Variants in EXTL1 observed in about 807,000 individuals in gnomAD.
The protein encoded by EXTL1 is exostosin like glycosyltransferase 1, also known as exostosin-like 1.
EXTL1 carries 43 observed loss-of-function variants against 64.6 expected under a neutral mutation model. That is an observed-to-expected ratio of 0.67 (90% CI 0.52 to 0.86). The LOEUF (loss-of-function observed/expected upper bound fraction) is 0.86, where lower values mean the gene tolerates loss of function less well. Ranked by LOEUF, EXTL1 falls within the 40% of genes least tolerant of loss-of-function variation. EXTL1 has a pLI of 0.00. For synonymous variants in EXTL1, 352 were observed against 360.5 expected (o/e 0.98, Z 0.27); for missense variants, 766 against 879.0 (o/e 0.87, Z 1.62).
At position 26,033,402 on chromosome 1, in the gene EXTL1, G is replaced by A. The variant is rs2050308710; in HGVS notation, c.1518+87G>A. 3 of 1,202,090 alleles carry A rather than the reference G, an allele frequency of 2.5e-6. No individual in the cohort carries two copies. The highest frequency in any genetic ancestry group is 1.5e-5 in the African/African-American group (1 of 66,820). 74.5% of individuals were successfully genotyped at this position (1,202,090 alleles called of 1,614,324 possible). A position where few individuals can be genotyped will look rare whatever the true frequency, so the allele number is the denominator to read the frequency against. On this transcript the variant is annotated intron_variant, in intron 8 of 10. Transcript: ENST00000374280. This position sits in a 1 kb window ranked among gnomAD's most constrained non-coding sequence, Gnocchi z 5.1. Reference sequence around the variant, plus strand: ...GCCCCTCAGGTTCCCAGGGTTGAGGGGACCCCAGGTCATGAGGTCCAGCCT... The same window carrying A: ...GCCCCTCAGGTTCCCAGGGTTGAGGAGACCCCAGGTCATGAGGTCCAGCCT...
Position 26,033,411 on chromosome 1 carries a change from G to A in EXTL1, c.1518+96G>A. ...GTTCCCAGGGTTGAGGGGACCCCAG[G>A]TCATGAGGTCCAGCCTCTTGCATTT... is the stretch of plus-strand genomic sequence containing the variant. On this transcript the variant is annotated intron_variant, in intron 8 of 10. Coordinates refer to ENST00000374280, the MANE Select transcript of EXTL1 (RefSeq NM_004455.3). This position sits in a 1 kb window ranked among gnomAD's most constrained non-coding sequence, Gnocchi z 5.1. The A allele has an allele frequency of 9.4e-7, 1 of 1,064,530 alleles. No individual in the cohort carries two copies. The highest frequency in any genetic ancestry group is 1.3e-5 in the South Asian group (1 of 78,804). The allele number at this position is 1,064,530 out of a possible 1,614,324, so 65.9% of individuals were successfully genotyped here. A position where few individuals can be genotyped will look rare whatever the true frequency, so the allele number is the denominator to read the frequency against.
rs1296830393 is a variant in EXTL1, at chr1:26,029,295, C to G, written c.873+9C>G. On this transcript the variant is annotated intron_variant, in intron 2 of 10. Transcript: ENST00000374280. Reference sequence around the variant, plus strand: ...TCCTCCAAGCCCTGCAGGTACAACCCCAATTTGAGCATCACCCATCCTCTG... The same window carrying G: ...TCCTCCAAGCCCTGCAGGTACAACCGCAATTTGAGCATCACCCATCCTCTG... 6.2e-7 allele frequency: 1 copy of G among 1,608,016 alleles called. No homozygotes were observed. Among genetic ancestry groups the G allele is most frequent in the Non-Finnish European group, 8.5e-7 (1 of 1,174,558 alleles).
At chr1:26,032,641 T>C (rs1244252400) in intron 7 of EXTL1, among the ~76,000 whole-genome samples, 156 bp downstream of exon 7, 1 of 152,204 alleles carries the variant, frequency 6.6e-6, no homozygotes, top group Non-Finnish European at 1.5e-5. Context: ...GTAATGATTC[T>C]TTTCCCTCCC....
At position 26,034,792 on chromosome 1, in the gene EXTL1, A is replaced by G; in HGVS notation, c.1680-44A>G. On this transcript the variant is annotated intron_variant, in intron 9 of 10. Coordinates refer to ENST00000374280, the MANE Select transcript of EXTL1 (RefSeq NM_004455.3). This position sits in a 1 kb window ranked among gnomAD's most constrained non-coding sequence, Gnocchi z 4.6. ...GGAGGGAGGAGAATGGGGCCTGGGG[A>G]TGGATTTGGCTGCAGCCTCTCCCTG... 1 of 1,587,142 alleles carries G rather than the reference A, an allele frequency of 6.3e-7. No homozygotes were observed. The highest frequency in any genetic ancestry group is 1.3e-5 in the African/African-American group (1 of 74,586).
chr1:26,022,686 C>T lies in EXTL1; in HGVS notation c.40C>T (p.Leu14=), dbSNP rs1333292888. The change falls in exon 1 of 11, where the codon CTG becomes TTG. Residue 14 remains leucine (L), a synonymous_variant. Coordinates refer to ENST00000374280, the MANE Select transcript of EXTL1 (RefSeq NM_004455.3). ...WRRRKSLWLA[L]SASWLLLVLL... is the part of the protein sequence containing the mutation. ...GAGAAGAAAGTCCCTGTGGCTGGCA[C>T]TGTCAGCCTCCTGGCTCCTGCTTGT... 1 of 1,611,556 alleles carries T rather than the reference C, an allele frequency of 6.2e-7. No individual in the cohort carries two copies. Among genetic ancestry groups the T allele is most frequent in the Non-Finnish European group, 8.5e-7 (1 of 1,178,768 alleles).
chr1:26,022,018 G>A lies in EXTL1; in HGVS notation c.-629G>A, dbSNP rs1327533079. ...CGGCTGCACCCAGGCTGTGACCTCA[G>A]CTGACGCCGATGATCCACATGGGAT... On this transcript the variant is annotated 5_prime_UTR_variant, in exon 1 of 11. Transcript: ENST00000374280. 1 of 152,550 alleles carries A rather than the reference G, an allele frequency of 6.6e-6. No homozygotes were observed. The highest frequency in any genetic ancestry group is 1.9e-4 in the East Asian group (1 of 5,204). The allele number at this position is 152,550 out of a possible 1,614,324, so 9.4% of individuals were successfully genotyped here. A position where few individuals can be genotyped will look rare whatever the true frequency, so the allele number is the denominator to read the frequency against.
chr1:26,033,283 C>T lies in EXTL1; in HGVS notation c.1486C>T (p.Leu496Phe). ...CATCAGAACAGATGCCATCCTCAGC[C>T]TCGATGCCCGCAGCAGTCTTTCCAC... Reference protein sequence around the residue: ...STIRTDAILSLDARSSLSTSE... With the variant: ...STIRTDAILSFDARSSLSTSE... The change falls in exon 8 of 11, where the codon CTC becomes TTC. Residue 496 changes from leucine (L) to phenylalanine (F), a missense_variant. Leu to Phe is a conservative substitution (Grantham distance 22). Around this residue, in one of 3 missense-constraint regions of EXTL1, gnomAD observed 571 missense variants for 647.6 expected, o/e 0.88. Coordinates refer to ENST00000374280, the MANE Select transcript of EXTL1 (RefSeq NM_004455.3). The surrounding 1 kb of genome is among the most constrained non-coding windows in gnomAD (Gnocchi z 5.1). The T allele has an allele frequency of 6.2e-7, 1 of 1,614,090 alleles. No individual in the cohort carries two copies. The highest frequency in any genetic ancestry group is 8.5e-7 in the Non-Finnish European group (1 of 1,180,000).
At chr1:26,026,761 A>T (rs1372069646) in intron 1 of EXTL1, among the ~76,000 whole-genome samples, 2 of 152,188 alleles carry the variant, frequency 1.3e-5, no homozygotes, top group Non-Finnish European at 2.9e-5. Context: ...CACTGAGGCC[A>T]TGGGCACAGC....
chr1:26,033,132 C>A lies in EXTL1; in HGVS notation c.1432-97C>A. 1 of 852,374 alleles carries A rather than the reference C, an allele frequency of 1.2e-6. No individual in the cohort carries two copies. The highest frequency in any genetic ancestry group is 1.4e-5 in the South Asian group (1 of 71,970). The allele number at this position is 852,374 out of a possible 1,614,324, so 52.8% of individuals were successfully genotyped here. A position where few individuals can be genotyped will look rare whatever the true frequency, so the allele number is the denominator to read the frequency against. On this transcript the variant is annotated intron_variant, in intron 7 of 10. Transcript: ENST00000374280. The surrounding 1 kb of genome is among the most constrained non-coding windows in gnomAD (Gnocchi z 5.1). ...GCCTGAAGGGAGGCTTTATTCATGG[C>A]TCAGGCGTCTACACTGTGCCTGAAT... is the stretch of plus-strand genomic sequence containing the variant.
rs770088842 is a variant in EXTL1 at position 26,035,343 on chromosome 1, C to T, written c.2027C>T (p.Pro676Leu). Residue 676 changes from proline to leucine, a missense_variant, in exon 11 of 11, where the codon CCC (proline) becomes CTC (leucine). By Grantham distance (98) the Pro-to-Leu change is moderately conservative. Coordinates refer to ENST00000374280, the MANE Select transcript of EXTL1 (RefSeq NM_004455.3). This position sits in a 1 kb window ranked among gnomAD's most constrained non-coding sequence, Gnocchi z 5.3. ...AAGAAGTACCGCAGCCTGGAGAAGC[C>T]CTAGGGGGGCGACCCGCGGAGACCC... ...QRKKYRSLEK[P>L] 6.2e-7 allele frequency: 1 copy of T among 1,600,854 alleles called. No individual in the cohort carries two copies.
chr1:26,025,402 GTAT>G lies in EXTL1; in HGVS notation c.779+1984_779+1986del, dbSNP rs1034756139. On this transcript the variant is annotated intron_variant, in intron 1 of 10. Coordinates refer to ENST00000374280, the MANE Select transcript of EXTL1 (RefSeq NM_004455.3). This position sits in a 1 kb window ranked among gnomAD's most constrained non-coding sequence, Gnocchi z 5.3. ...TCCTGTCATGCACCCTTCAAGGGAG[GTAT>G]TATTATCTCCATTTCAGGGTATGGA... Among the ~76,000 whole-genome samples, 2 of 152,182 alleles carry G rather than the reference GTAT, an allele frequency of 1.3e-5. No homozygotes were observed. The highest frequency in any genetic ancestry group is 4.8e-5 in the African/African-American group (2 of 41,436).
intron 4 of EXTL1, 28 bp from the exon 5 acceptor site, chr1:26,031,104 G>C: frequency 1.9e-6 from 3 of 1,613,762 alleles, no homozygotes; most frequent in Non-Finnish European, 2.5e-6. Context: ...CAGGCCACTC[G>C]CTCTGCTCAG....
Position 26,033,943 on chromosome 1 carries a change from C to CTTTTTTAATGATG in EXTL1, c.1679+87_1679+88insTTTTTTAATGATG. ...CCCGAACGGAGCAGAGTGGCCTAGA[C>CTTTTTTAATGATG]CCCAGGGATCCAGGTTCAAGGCCGA... On this transcript the variant is annotated intron_variant, in intron 9 of 10. Transcript: ENST00000374280. The surrounding 1 kb of genome is among the most constrained non-coding windows in gnomAD (Gnocchi z 5.1). 2.4e-6 allele frequency: 3 copies of CTTTTTTAATGATG among 1,269,162 alleles called. No homozygotes were observed. Among genetic ancestry groups the CTTTTTTAATGATG allele is most frequent in the Non-Finnish European group, 3.2e-6 (3 of 946,016 alleles). The allele number at this position is 1,269,162 out of a possible 1,614,324, so 78.6% of individuals were successfully genotyped here. A position where few individuals can be genotyped will look rare whatever the true frequency, so the allele number is the denominator to read the frequency against.
intron 2 of EXTL1, 94 bp downstream of exon 2, chr1:26,029,380 T>A: frequency 1.0e-6 from 1 of 1,000,736 alleles, no homozygotes; most frequent in Non-Finnish European, 1.6e-6. Flanking sequence ...GAAGGGGCAG[T>A]AAGCTGCCTG....
At chr1:26,026,602 T>G (rs895419681) in intron 1 of EXTL1, among the ~76,000 whole-genome samples, 3 of 152,194 alleles carry the variant, frequency 2.0e-5, no homozygotes, top group African/African-American at 7.2e-5. Flanking sequence ...CAGAAAATGT[T>G]TTAATATATA....
intron 1 of EXTL1, 124 bp downstream of exon 1, chr1:26,023,549 C>T (rs990933190): frequency 5.9e-6 from 6 of 1,015,676 alleles, no homozygotes; most frequent in Non-Finnish European, 6.5e-6. Flanking sequence ...ACTTAGGCCT[C>T]AGCTGCAGCA....
Position 26,024,526 on chromosome 1 carries a change from G to A in EXTL1, c.779+1101G>A, listed in dbSNP as rs111854388. ...GACTTCTCTCGGCCAAAGGGCTCTC[G>A]TGGGAATGGGATCCTTCCACTTCCT... On this transcript the variant is annotated intron_variant, in intron 1 of 10. Coordinates refer to ENST00000374280, the MANE Select transcript of EXTL1 (RefSeq NM_004455.3). Among the ~76,000 whole-genome samples the A allele has an allele frequency of 5.3e-4, 80 of 152,204 alleles. 1 individual carries two copies. In the South Asian group the frequency reaches 0.014, roughly 26 times the overall value.
chr1:26,022,560 A>C lies in EXTL1; in HGVS notation c.-87A>C. The stretch of plus-strand genomic sequence containing the variant: ...AGCACAGGACTAGCAGGTCGGTCCC[A>C]GCTCTGGTCTCCCGCCCCAGGCCCT... On this transcript the variant is annotated 5_prime_UTR_variant, in exon 1 of 11. Coordinates refer to ENST00000374280, the MANE Select transcript of EXTL1 (RefSeq NM_004455.3). 1 of 1,161,108 alleles carries C rather than the reference A, an allele frequency of 8.6e-7. No homozygotes were observed. Among genetic ancestry groups the C allele is most frequent in the Non-Finnish European group, 1.2e-6 (1 of 809,636 alleles). 71.9% of individuals were successfully genotyped at this position (1,161,108 alleles called of 1,614,324 possible). A position where few individuals can be genotyped will look rare whatever the true frequency, so the allele number is the denominator to read the frequency against.
In EXTL1 at chr1:26,031,145, G is replaced by T. The variant is rs531836665; in HGVS notation, c.1115G>T (p.Arg372Leu). The T allele has an allele frequency of 1.1e-5, 18 of 1,614,026 alleles. No homozygotes were observed. The highest frequency in any genetic ancestry group is 1.5e-5 in the Non-Finnish European group (18 of 1,179,974). Residue 372 changes from arginine (R) to leucine (L), a missense_variant, in exon 5 of 11, where the codon CGG becomes CTG. Transcript: ENST00000374280. ...IHTTLEVIQD[R>L]IFGTSAHPSL... ...CTCTCATTTTAGGTTATTCAGGACC[G>T]GATTTTTGGAACATCAGCTCACCCC...
Sources: allele counts gnomAD v4.1 joint callset (sites outside exome capture counted in the v4.1 genomes callset), GRCh38; gene constraint gnomAD v4.1.1; regional missense constraint gnomAD v4.1.1; non-coding constraint Gnocchi (gnomAD v3.1); transcripts MANE v1.5; gene names NCBI Gene and HGNC (gene_info 2026-07-23, HGNC 2026-07-21).